The following OPCML variants were observed in gnomAD, a reference collection of about 807,000 sequenced individuals.
OPCML encodes opioid binding protein/cell adhesion molecule like.
A neutral mutation model predicts 37.8 loss-of-function variants in OPCML; 13 were observed. The ratio of observed to expected loss-of-function variants is 0.34; its 90% confidence interval spans 0.22 to 0.55. OPCML has a LOEUF of 0.55. OPCML is among the 20% of genes least tolerant of loss of function. The probability of loss-of-function intolerance (pLI) is 0.91; values close to 1 mark genes in which losing one functional copy is unlikely to be tolerated. For missense variants in OPCML, 341 were observed against 435.6 expected (o/e 0.78, Z 1.93); for synonymous variants, 176 against 168.8 (o/e 1.04, Z -0.33).
intron 1 of OPCML, among the ~76,000 whole-genome samples, chr11:133,010,697 G>A (rs1947197154): frequency 6.6e-6 from 1 of 152,166 alleles, no homozygotes; most frequent in Admixed American, 6.5e-5. Context: ...AAGTAGGGAT[G>A]ATAAGAAGCC....
chr11:133,020,941 T>C (rs1947439477), intron 1 of OPCML, among the ~76,000 whole-genome samples: 1 of 152,182 alleles, frequency 6.6e-6, no homozygotes, highest in South Asian at 2.1e-4. Context: ...TTGGCATACA[T>C]AGACTCTCAG....
intron 1 of OPCML, among the ~76,000 whole-genome samples, chr11:133,217,420 T>C (rs1939630688): frequency 6.6e-6 from 1 of 152,080 alleles, no homozygotes. Context: ...TGGTCTTAGG[T>C]TTTCACACAC....
intron 1 of OPCML, among the ~76,000 whole-genome samples, chr11:133,500,782 T>A (rs1353354152): frequency 6.6e-6 from 1 of 152,174 alleles, no homozygotes; most frequent in Non-Finnish European, 1.5e-5. Context: ...TAGCACCAAT[T>A]ACTGAGGTGT....
At chr11:132,624,910 A>G (rs1215526125) in intron 3 of OPCML, among the ~76,000 whole-genome samples, 1 of 152,152 alleles carries the variant, frequency 6.6e-6, no homozygotes, top group Non-Finnish European at 1.5e-5. Flanking sequence ...GGAATTTCAG[A>G]TCAGCATCAA....
intron 1 of OPCML, among the ~76,000 whole-genome samples, chr11:132,983,321 T>C (rs1424255518): frequency 1.3e-5 from 2 of 152,238 alleles, no homozygotes; most frequent in Non-Finnish European, 2.9e-5. Flanking sequence ...CTGGGATTGG[T>C]CCAGGCCTGG....
intron 2 of OPCML, among the ~76,000 whole-genome samples, chr11:132,867,405 A>T (rs971539492): frequency 1.2e-4 from 18 of 152,232 alleles, no homozygotes; most frequent in African/African-American, 4.3e-4. Context: ...CTAGCATGGG[A>T]ATCTCACCAA....
chr11:132,694,308 C>T (rs1943523722), intron 2 of OPCML, among the ~76,000 whole-genome samples: 1 of 150,798 alleles, frequency 6.6e-6, no homozygotes, highest in Non-Finnish European at 1.5e-5. Context: ...AAGCGATTCC[C>T]CTGCCTCAGC....
intron 1 of OPCML, chr11:133,423,530 C>A: frequency 1.0e-6 from 1 of 967,332 alleles, no homozygotes. Context: ...GAAGTCCTAA[C>A]GAGAAGTCCT....
intron 3 of OPCML, among the ~76,000 whole-genome samples, chr11:132,554,202 C>T (rs2096389069): frequency 6.6e-6 from 1 of 152,206 alleles, no homozygotes; most frequent in Admixed American, 6.5e-5. Flanking sequence ...ATTTCCTTCA[C>T]CCCATGTCAG....
intron 4 of OPCML, among the ~76,000 whole-genome samples, chr11:132,478,023 G>A (rs1357243699): frequency 1.3e-5 from 2 of 152,070 alleles, no homozygotes; most frequent in Non-Finnish European, 2.9e-5. Flanking sequence ...GTAAAATAAT[G>A]GAAGGTATTT....
intron 1 of OPCML, among the ~76,000 whole-genome samples, chr11:133,472,941 C>G (rs913585305): frequency 5.5e-4 from 84 of 152,216 alleles, no homozygotes; most frequent in Middle Eastern, 3.4e-3. Context: ...CCAACCCCAC[C>G]TGCCCACACA....
chr11:133,513,157 A>T (rs975505276), intron 1 of OPCML, among the ~76,000 whole-genome samples: 10 of 147,294 alleles, frequency 6.8e-5, no homozygotes, highest in African/African-American at 2.7e-4. Context: ...ATAATGTGAG[A>T]AGCCCCAAAC....
intron 1 of OPCML, among the ~76,000 whole-genome samples, chr11:132,946,826 C>T (rs924003382): frequency 6.6e-6 from 1 of 152,216 alleles, no homozygotes; most frequent in Non-Finnish European, 1.5e-5. Flanking sequence ...TGTCTTTTCT[C>T]AAGACTTGAG....
At chr11:132,749,468 A>G (rs2917576) in intron 2 of OPCML, among the ~76,000 whole-genome samples, 96,108 of 152,008 alleles carry the variant, frequency 0.63, 31,025 homozygotes, top group East Asian at 0.96. Flanking sequence ...ATGACAATCT[A>G]GAGACCCTGG....
At chr11:133,388,259 A>C (rs926556851) in intron 1 of OPCML, among the ~76,000 whole-genome samples, 1 of 152,210 alleles carries the variant, frequency 6.6e-6, no homozygotes, top group African/African-American at 2.4e-5. Context: ...TTTGGTAAGC[A>C]CACAGAGACA....
At chr11:132,425,143 A>G (rs1445196638) in intron 7 of OPCML, among the ~76,000 whole-genome samples, 8 of 152,234 alleles carry the variant, frequency 5.3e-5, no homozygotes, top group African/African-American at 1.7e-4. Flanking sequence ...GATCCCTGCC[A>G]TGCACTAGGC....
intron 1 of OPCML, among the ~76,000 whole-genome samples, chr11:133,085,335 C>T (rs888799384): frequency 4.6e-5 from 7 of 152,186 alleles, no homozygotes; most frequent in Non-Finnish European, 1.0e-4. Context: ...CACAATACCT[C>T]CTTTCTGTCT....
intron 1 of OPCML, among the ~76,000 whole-genome samples, chr11:133,064,478 G>C (rs1185664578): frequency 1.3e-5 from 2 of 152,212 alleles, no homozygotes; most frequent in African/African-American, 2.4e-5. Flanking sequence ...AATGGGAGAA[G>C]GGACGGCCAG....
intron 1 of OPCML, chr11:133,301,722 A>G (rs1942783318): frequency 6.6e-6 from 1 of 152,176 alleles, no homozygotes; most frequent in South Asian, 2.1e-4. Context: ...TTCAGAGTAA[A>G]TGTCTGCTTG....
Sources: allele counts gnomAD v4.1 joint callset (sites outside exome capture counted in the v4.1 genomes callset), GRCh38; gene constraint gnomAD v4.1.1; transcripts MANE v1.5; gene names NCBI Gene and HGNC (gene_info 2026-07-23, HGNC 2026-07-21).